The following SEC14L5 variants were observed in gnomAD, a reference collection of about 807,000 sequenced individuals.
The protein encoded by SEC14L5 is SEC14-like protein 5.
In SEC14L5, 96 loss-of-function variants were observed where a neutral mutation model predicts 84.6. That is an observed-to-expected ratio of 1.13 (90% confidence interval 0.96 to 1.34). The LOEUF (loss-of-function observed/expected upper bound fraction) is 1.34, where lower values mean the gene tolerates loss of function less well. Ranked by LOEUF, SEC14L5 falls within the 40% of genes most tolerant of loss-of-function variation. The probability of loss-of-function intolerance (pLI) is 0.00; values close to 1 mark genes in which losing one functional copy is unlikely to be tolerated. For synonymous variants in SEC14L5, 546 were observed against 383.4 expected, an observed-to-expected ratio of 1.42 and a Z score of -4.95; for missense variants, 1,224 against 942.5, an observed-to-expected ratio of 1.30 and a Z score of -3.91.
intron 2 of SEC14L5, among the ~76,000 whole-genome samples, chr16:4,965,430 G>C (rs1244704991): frequency 1.3e-5 from 2 of 150,292 alleles, no homozygotes; most frequent in African/African-American, 4.9e-5. Flanking sequence ...AGGAGGCCGA[G>C]GCGGGCGGAT....
chr16:4,999,454 C>T (rs936517563), intron 8 of SEC14L5, among the ~76,000 whole-genome samples: 1 of 151,684 alleles, frequency 6.6e-6, no homozygotes, highest in African/African-American at 2.4e-5. Flanking sequence ...CACATCTCCA[C>T]AAAAAATACA....
rs866153521 is a variant in SEC14L5, at chr16:4,991,554, A to C, written c.475-284A>C. ...GCACTCCAGCCTGGGCAACACAGCA[A>C]GACACTGTCTCAAAAAAAATAAACA... On this transcript the variant is annotated intron_variant, in intron 5 of 15. Coordinates refer to ENST00000251170, the MANE Select transcript of SEC14L5 (RefSeq NM_014692.2). 4.9e-4 allele frequency among the ~76,000 whole-genome samples: 75 copies of C among 152,204 alleles called. 1 individual carries two copies. Among genetic ancestry groups the C allele is most frequent in the South Asian group, 1.0e-3 (5 of 4,826 alleles).
intron 10 of SEC14L5, among the ~76,000 whole-genome samples, chr16:5,002,212 A>G (rs1955684923): frequency 6.6e-6 from 1 of 151,998 alleles, no homozygotes; most frequent in African/African-American, 2.4e-5. Flanking sequence ...CCTGTGAGAC[A>G]CGGGCAGGCA....
intron 11 of SEC14L5, among the ~76,000 whole-genome samples, chr16:5,004,751 A>G (rs1325456166): frequency 6.6e-6 from 1 of 152,186 alleles, no homozygotes; most frequent in Admixed American, 6.5e-5. Flanking sequence ...GTTATCTGCC[A>G]TGCCAAGGGC....
intron 11 of SEC14L5, 45 bp downstream of exon 11, chr16:5,003,618 G>GCCCCCC: frequency 4.8e-6 from 2 of 414,172 alleles, no homozygotes; most frequent in East Asian, 7.7e-5. Flanking sequence ...GGGGTGGGTG[G>GCCCCCC]GATGGGAGGG....
chr16:4,996,567 C>T, intron 7 of SEC14L5, 107 bp downstream of exon 7: 1 of 633,920 alleles, frequency 1.6e-6, no homozygotes, highest in Non-Finnish European at 2.8e-6. Flanking sequence ...CACATTATCT[C>T]TTGCTTATTT....
chr16:4,973,982 C>A (rs1322753246), intron 2 of SEC14L5, among the ~76,000 whole-genome samples: 1 of 151,964 alleles, frequency 6.6e-6, no homozygotes, highest in East Asian at 1.9e-4. Context: ...CCTCACCAGG[C>A]CTTATATGAC....
At chr16:4,987,508 GTCCCTCT>G in intron 2 of SEC14L5, 42 bp from the exon 3 acceptor site, 3 of 1,445,166 alleles carry the variant, frequency 2.1e-6, no homozygotes, top group Middle Eastern at 3.6e-4. Context: ...GGGGGGGGGG[GTCCCTCT>G]GCCCCCCCCA....
At chr16:5,006,131 C>A in intron 12 of SEC14L5, 83 bp downstream of exon 12, 1 of 1,466,270 alleles carries the variant, frequency 6.8e-7, no homozygotes, top group Non-Finnish European at 9.4e-7. Flanking sequence ...CGGAGTGGGG[C>A]TGGGAGGTGG....
At chr16:4,973,853 T>C (rs1281305658) in intron 2 of SEC14L5, among the ~76,000 whole-genome samples, 1 of 151,886 alleles carries the variant, frequency 6.6e-6, no homozygotes, top group South Asian at 2.1e-4. Flanking sequence ...CAGCTAATGT[T>C]TTGTATTTTT....
chr16:5,001,370 T>C (rs1955676332), intron 10 of SEC14L5, among the ~76,000 whole-genome samples: 2 of 150,892 alleles, frequency 1.3e-5, no homozygotes, highest in South Asian at 4.3e-4. Flanking sequence ...GCGATTCTCC[T>C]GCCTCAGCCT....
At chr16:4,997,542 C>A (rs1955625610) in intron 8 of SEC14L5, among the ~76,000 whole-genome samples, 2 of 152,180 alleles carry the variant, frequency 1.3e-5, no homozygotes, top group African/African-American at 4.8e-5. Context: ...GAGGAGGAGA[C>A]ATTTCTCCAC....
chr16:4,979,973 T>G (rs146700796), intron 2 of SEC14L5, among the ~76,000 whole-genome samples: 26 of 152,252 alleles, frequency 1.7e-4, no homozygotes, highest in African/African-American at 5.1e-4. Flanking sequence ...CACCGATGCT[T>G]GTGACGTAGC....
Position 4,988,121 on chromosome 16 carries a change from C to G in SEC14L5, c.214-28C>G, listed in dbSNP as rs192375258. On this transcript the variant is annotated intron_variant, in intron 3 of 15. Coordinates refer to ENST00000251170, the MANE Select transcript of SEC14L5 (RefSeq NM_014692.2). ...TGTGTGCTCCACGCCGCCCACCCACCTCCGCCTCCCCGCCCCTTCCCTTGC... is the reference window on the plus strand; with the variant it reads ...TGTGTGCTCCACGCCGCCCACCCACGTCCGCCTCCCCGCCCCTTCCCTTGC... 1.1e-5 allele frequency: 17 copies of G among 1,612,142 alleles called. No homozygotes were observed. The African/African-American group carries it at 2.3e-4, about 21-fold the overall frequency.
chr16:4,989,186 A>G (rs1392641348), intron 4 of SEC14L5, among the ~76,000 whole-genome samples: 1 of 152,166 alleles, frequency 6.6e-6, no homozygotes, highest in African/African-American at 2.4e-5. Flanking sequence ...TTGCTGAGTG[A>G]CGTTGGGCCA....
intron 2 of SEC14L5, among the ~76,000 whole-genome samples, chr16:4,965,078 C>T (rs1169854459): frequency 1.3e-5 from 2 of 152,138 alleles, no homozygotes; most frequent in Admixed American, 6.5e-5. Flanking sequence ...GTGATTGACA[C>T]ATAAAAAGCT....
chr16:4,996,217 C>A, intron 6 of SEC14L5, 131 bp from the exon 7 acceptor site: 1 of 596,512 alleles, frequency 1.7e-6, no homozygotes. Flanking sequence ...CTGTCTGGGG[C>A]GGGGGCTTAG....
In SEC14L5 at chr16:5,015,219, C is replaced by T. The variant is rs1955861378; in HGVS notation, c.*249C>T. 2 of 523,872 alleles carry T rather than the reference C, an allele frequency of 3.8e-6. No individual in the cohort carries two copies. The highest frequency in any genetic ancestry group is 3.4e-6 in the Non-Finnish European group (1 of 294,194). The allele number at this position is 523,872 out of a possible 1,614,324, so 32.5% of individuals were successfully genotyped here. A position where few individuals can be genotyped will look rare whatever the true frequency, so the allele number is the denominator to read the frequency against. ...TCGTGTAAGGAAGACCAAGCCAAGG[C>T]CAAGGTGTCTACCATACCACACCTT... On this transcript the variant is annotated 3_prime_UTR_variant, in exon 16 of 16. Transcript: ENST00000251170.
chr16:4,958,770 C>T (rs1955084375), intron 1 of SEC14L5, among the ~76,000 whole-genome samples: 1 of 152,068 alleles, frequency 6.6e-6, no homozygotes, highest in Admixed American at 6.5e-5. Context: ...GGGAGGGAAA[C>T]CTGCGTGTGT....
Sources: allele counts gnomAD v4.1 joint callset (sites outside exome capture counted in the v4.1 genomes callset), GRCh38; gene constraint gnomAD v4.1.1; transcripts MANE v1.5; gene names NCBI Gene and HGNC (gene_info 2026-07-23, HGNC 2026-07-21).